The following MAPKAP1 variants were observed in gnomAD, a reference collection of about 807,000 sequenced individuals.
The protein encoded by MAPKAP1 is target of rapamycin complex 2 subunit MAPKAP1.
MAPKAP1 carries 20 observed loss-of-function variants against 65.7 expected under a neutral mutation model. That is an observed-to-expected ratio of 0.30 (90% confidence interval 0.21 to 0.44). The LOEUF is 0.44. Ranked by LOEUF, MAPKAP1 falls within the 20% of genes least tolerant of loss-of-function variation. The probability of loss-of-function intolerance (pLI) is 1.00; values close to 1 mark genes in which losing one functional copy is unlikely to be tolerated. For synonymous variants in MAPKAP1, 222 were observed against 244.3 expected, an observed-to-expected ratio of 0.91 and a Z score of 0.85; for missense variants, 423 against 648.0, an observed-to-expected ratio of 0.65 and a Z score of 3.77.
chr9:125,601,128 T>C (rs1406772859), intron 4 of MAPKAP1, among the ~76,000 whole-genome samples: 3 of 151,668 alleles, frequency 2.0e-5, no homozygotes, highest in African/African-American at 7.2e-5. Context: ...ATGGAGAATG[T>C]ATATTTGACT....
chr9:125,491,200 T>C (rs1454668436), intron 8 of MAPKAP1, among the ~76,000 whole-genome samples: 5 of 151,414 alleles, frequency 3.3e-5, no homozygotes, highest in Non-Finnish European at 4.4e-5. Flanking sequence ...TTCCAGCACT[T>C]TGGGAGGCTG....
At chr9:125,472,584 T>C (rs143615418) in intron 9 of MAPKAP1, among the ~76,000 whole-genome samples, 2,444 of 152,370 alleles carry the variant, frequency 0.016, 31 homozygotes, top group Non-Finnish European at 0.026. Context: ...ACGTATGCAC[T>C]GTTTTAAGTA....
At chr9:125,583,133 C>A (rs1449988303) in intron 5 of MAPKAP1, among the ~76,000 whole-genome samples, 1 of 152,194 alleles carries the variant, frequency 6.6e-6, no homozygotes, top group Non-Finnish European at 1.5e-5. Flanking sequence ...AATAGCATTT[C>A]ATTTACTATT....
At chr9:125,516,724 G>A (rs536832675) in intron 7 of MAPKAP1, among the ~76,000 whole-genome samples, 2 of 152,164 alleles carry the variant, frequency 1.3e-5, no homozygotes, top group Admixed American at 6.5e-5. Flanking sequence ...TTGAAATCCT[G>A]GCTCTTTTAC....
At chr9:125,678,946 C>T (rs761570043) in intron 1 of MAPKAP1, among the ~76,000 whole-genome samples, 11 of 152,060 alleles carry the variant, frequency 7.2e-5, no homozygotes, top group Non-Finnish European at 1.3e-4. Flanking sequence ...TTACTCCCTA[C>T]ACCACAGAGC....
At chr9:125,652,166 G>T in intron 4 of MAPKAP1, 1 of 1,319,538 alleles carries the variant, frequency 7.6e-7, no homozygotes, top group Admixed American at 1.9e-5. Context: ...TTTCTGCAAA[G>T]TTTTAAGTGA....
intron 1 of MAPKAP1, among the ~76,000 whole-genome samples, chr9:125,686,512 A>T (rs7862834): frequency 6.6e-6 from 1 of 152,096 alleles, no homozygotes; most frequent in Non-Finnish European, 1.5e-5. Flanking sequence ...ATATGAAGGG[A>T]CTTTCAGCTC....
intron 5 of MAPKAP1, among the ~76,000 whole-genome samples, chr9:125,579,842 C>A (rs1831563170): frequency 6.6e-6 from 1 of 152,220 alleles, no homozygotes; most frequent in African/African-American, 2.4e-5. Flanking sequence ...TTACACCAAA[C>A]AAACCTGAGA....
chr9:125,536,308 A>C (rs912963820), intron 7 of MAPKAP1, among the ~76,000 whole-genome samples: 19 of 152,206 alleles, frequency 1.2e-4, no homozygotes, highest in African/African-American at 4.3e-4. Flanking sequence ...CAGTAAGATA[A>C]AGAGGCAGAG....
intron 1 of MAPKAP1, among the ~76,000 whole-genome samples, chr9:125,706,067 G>A (rs1273858439): frequency 2.0e-5 from 3 of 152,114 alleles, no homozygotes; most frequent in East Asian, 1.9e-4. Context: ...AATCCCGCAG[G>A]TGTGTAAACT....
At chr9:125,465,055 A>G (rs1337064081) in intron 10 of MAPKAP1, among the ~76,000 whole-genome samples, 7 of 152,244 alleles carry the variant, frequency 4.6e-5, no homozygotes, top group Admixed American at 2.6e-4. Context: ...GTTTAATAAC[A>G]TGTCTGCTCT....
At position 125,437,436 on chromosome 9, in the gene MAPKAP1, G is replaced by A. The variant is rs927221371; in HGVS notation, c.*1451C>T. On this transcript the variant is annotated 3_prime_UTR_variant, in exon 12 of 12. Transcript: ENST00000265960. ...TTTATTTTAATATCATTTTAATATC[G>A]AATATGTCACAAGATTTAATGACCA... The A allele has an allele frequency of 1.3e-5, 2 of 152,354 alleles. No individual in the cohort carries two copies. The highest frequency in any genetic ancestry group is 1.9e-4 in the East Asian group (1 of 5,204). The allele number at this position is 152,354 out of a possible 1,614,324, so 9.4% of individuals were successfully genotyped here. A position where few individuals can be genotyped will look rare whatever the true frequency, so the allele number is the denominator to read the frequency against.
At chr9:125,551,232 GAAAGGCTTC>G (rs1830575386) in intron 6 of MAPKAP1, among the ~76,000 whole-genome samples, 1 of 152,090 alleles carries the variant, frequency 6.6e-6, no homozygotes, top group South Asian at 2.1e-4. Flanking sequence ...ATAACAGAAG[GAAAGGCTTC>G]AAGCTAATGA....
chr9:125,549,733 C>T (rs867979315), intron 6 of MAPKAP1, among the ~76,000 whole-genome samples: 4 of 152,078 alleles, frequency 2.6e-5, no homozygotes, highest in African/African-American at 4.8e-5. Flanking sequence ...TTAGCTTGCT[C>T]GACTGATTGT....
At chr9:125,690,026 T>C (rs1835119400) in intron 1 of MAPKAP1, among the ~76,000 whole-genome samples, 1 of 152,096 alleles carries the variant, frequency 6.6e-6, no homozygotes, top group Non-Finnish European at 1.5e-5. Context: ...AGGCGGAGGC[T>C]ACAGTGAGCC....
At chr9:125,579,609 A>G (rs1437948543) in intron 5 of MAPKAP1, among the ~76,000 whole-genome samples, 1 of 152,196 alleles carries the variant, frequency 6.6e-6, no homozygotes, top group African/African-American at 2.4e-5. Flanking sequence ...CAATATTCTT[A>G]AATGGTTTTC....
At chr9:125,560,872 C>A (rs1210426109) in intron 5 of MAPKAP1, among the ~76,000 whole-genome samples, 2 of 152,226 alleles carry the variant, frequency 1.3e-5, no homozygotes, top group Non-Finnish European at 2.9e-5. Flanking sequence ...TTAGAATCAA[C>A]ACATACCCTC....
At chr9:125,515,204 A>C (rs765388102) in intron 7 of MAPKAP1, among the ~76,000 whole-genome samples, 6 of 152,180 alleles carry the variant, frequency 3.9e-5, no homozygotes, top group Admixed American at 1.3e-4. Context: ...CAAATTAAAT[A>C]CAATTCCTAT....
intron 8 of MAPKAP1, among the ~76,000 whole-genome samples, chr9:125,504,172 A>AATG (rs1163548621): frequency 6.6e-6 from 1 of 152,158 alleles, no homozygotes; most frequent in African/African-American, 2.4e-5. Flanking sequence ...TCTCTCCAGC[A>AATG]ATGAGGACTC....
Sources: gnomAD v4.1 joint callset for allele counts (sites outside exome capture counted in the v4.1 genomes callset) on GRCh38, gnomAD v4.1.1 for gene constraint, MANE v1.5 for transcripts, NCBI Gene and HGNC (gene_info 2026-07-23, HGNC 2026-07-21) for gene names.